The following USP46 variants were observed in gnomAD, a reference collection of about 807,000 sequenced individuals.
USP46 encodes the protein ubiquitin carboxyl-terminal hydrolase 46.
USP46 carries 12 observed loss-of-function variants against 44.4 expected under a neutral mutation model. That is an observed-to-expected ratio of 0.27 (90% CI 0.17 to 0.44). The LOEUF (loss-of-function observed/expected upper bound fraction) is 0.44. USP46 is among the 20% of genes least tolerant of loss of function. USP46 has a pLI of 1.00. For missense variants in USP46, 248 were observed against 444.8 expected, an observed-to-expected ratio of 0.56 and a Z score of 3.98; for synonymous variants, 155 against 161.5, an observed-to-expected ratio of 0.96 and a Z score of 0.31.
intron 7 of USP46, among the ~76,000 whole-genome samples, chr4:52,601,238 T>C (rs888695919): frequency 6.6e-5 from 10 of 152,190 alleles, no homozygotes; most frequent in African/African-American, 2.4e-4. Flanking sequence ...AGGTGAATTT[T>C]CAAGATACTT....
At chr4:52,658,527 CTG>C (rs1279448866) in intron 1 of USP46, among the ~76,000 whole-genome samples, 2 of 152,206 alleles carry the variant, frequency 1.3e-5, no homozygotes, top group African/African-American at 4.8e-5. Context: ...GATGGGGAAA[CTG>C]AGGCATGCGG....
intron 7 of USP46, among the ~76,000 whole-genome samples, chr4:52,599,616 G>GA (rs1055082144): frequency 6.6e-6 from 1 of 152,180 alleles, no homozygotes; most frequent in African/African-American, 2.4e-5. Flanking sequence ...ATGCTATATG[G>GA]AAAAAAGCAG....
At chr4:52,616,325 C>A (rs1349404735) in intron 4 of USP46, among the ~76,000 whole-genome samples, 4 of 151,970 alleles carry the variant, frequency 2.6e-5, no homozygotes, top group African/African-American at 9.7e-5. Flanking sequence ...AGAGATCTTT[C>A]CTTTCCTTTC....
chr4:52,659,086 C>G lies in USP46; in HGVS notation c.36+29G>C. On this transcript the variant is annotated intron_variant, in intron 1 of 8. Transcript: ENST00000441222. The surrounding 1 kb of genome is among the most constrained non-coding windows in gnomAD (Gnocchi z 4.2). ...TTTCTTTGCCTCGCCGCGAGTCGGG[C>G]GCGACCCCGAGGCGGCTCGGCCACT... is the stretch of plus-strand genomic sequence containing the variant. 1 of 1,549,770 alleles carries G rather than the reference C, an allele frequency of 6.5e-7. No individual in the cohort carries two copies. Among genetic ancestry groups the G allele is most frequent in the South Asian group, 1.2e-5 (1 of 83,658 alleles).
chr4:52,621,630 TG>T (rs1320446420), intron 4 of USP46, among the ~76,000 whole-genome samples: 1 of 151,878 alleles, frequency 6.6e-6, no homozygotes, highest in Non-Finnish European at 1.5e-5. Flanking sequence ...CACTCCAGCC[TG>T]GGTAACAGAG....
chr4:52,644,413 C>G (rs1718459123), intron 1 of USP46, among the ~76,000 whole-genome samples: 1 of 152,132 alleles, frequency 6.6e-6, no homozygotes, highest in African/African-American at 2.4e-5. Flanking sequence ...GTCAGAAGTC[C>G]CCAACCCCCA....
rs1256686011 is a variant in USP46 at position 52,659,045 on chromosome 4, G to A, written c.36+70C>T. ...GCCGCCCCAGCCACCGGGCGTGTGT[G>A]CAGCTCGGGCTTCCCTTTCTTTGCC... On this transcript the variant is annotated intron_variant, in intron 1 of 8. Coordinates refer to ENST00000441222, the MANE Select transcript of USP46 (RefSeq NM_022832.4). This position sits in a 1 kb window ranked among gnomAD's most constrained non-coding sequence, Gnocchi z 4.2. 7 of 1,501,014 alleles carry A rather than the reference G, an allele frequency of 4.7e-6. 1 individual carries two copies. The African/African-American group carries it at 8.7e-5, about 19-fold the overall frequency. 93.0% of individuals were successfully genotyped at this position (1,501,014 alleles called of 1,614,324 possible).
chr4:52,643,974 G>C (rs772346335), intron 1 of USP46, among the ~76,000 whole-genome samples: 69 of 152,286 alleles, frequency 4.5e-4, no homozygotes, highest in Non-Finnish European at 8.5e-4. Flanking sequence ...CAGCCAGCCA[G>C]GAACTGTCTC....
At position 52,628,013 on chromosome 4, in the gene USP46, G is replaced by A. The variant is rs745471821; in HGVS notation, c.268C>T (p.Gln90Ter). 6.2e-7 allele frequency: 1 copy of A among 1,613,880 alleles called. No individual in the cohort carries two copies. Among genetic ancestry groups the A allele is most frequent in the Non-Finnish European group, 8.5e-7 (1 of 1,179,862 alleles). ...GGGATGACGCCAACCTTCTTCTTCT[G>A]TGTGGCAATGCTGTGGAAAAGGTCC... ...LADLFHSIATQKKKVGVIPPK... is the reference protein window; with the variant it reads ...LADLFHSIAT The change falls in exon 3 of 9, where the codon CAG becomes TAG. Residue 90 changes from glutamine (Q) to a stop codon, truncating the protein, a stop_gained. Coordinates refer to ENST00000441222, the MANE Select transcript of USP46 (RefSeq NM_022832.4). LOFTEE classifies it high-confidence loss of function.
In USP46 at chr4:52,631,250, AC is replaced by A. The variant is rs1560404942; in HGVS notation, c.37-107del. 19 of 827,700 alleles carry A rather than the reference AC, an allele frequency of 2.3e-5. 2 individuals carry two copies. In the South Asian group the frequency reaches 3.4e-4, roughly 15 times the overall value. The allele number at this position is 827,700 out of a possible 1,614,324, so 51.3% of individuals were successfully genotyped here. On this transcript the variant is annotated intron_variant, in intron 1 of 8. Transcript: ENST00000441222. The stretch of plus-strand genomic sequence containing the variant: ...GAGACAAGCATCTTCCCTGGTCAAC[AC>A]GGTATTTGTTGATGTTTGCACTGAA...
chr4:52,609,859 A>C (rs1473603721), intron 5 of USP46, among the ~76,000 whole-genome samples: 3 of 144,594 alleles, frequency 2.1e-5, no homozygotes, highest in African/African-American at 7.7e-5. Flanking sequence ...TTCTCCAGGA[A>C]AAAAAAAAAT....
At chr4:52,629,176 G>A (rs555072910) in intron 2 of USP46, among the ~76,000 whole-genome samples, 11 of 152,210 alleles carry the variant, frequency 7.2e-5, no homozygotes, top group Admixed American at 2.6e-4. Flanking sequence ...ACCCAAGAGC[G>A]AGACAGATGC....
At position 52,632,990 on chromosome 4, in the gene USP46, AAAAGAAAGAAAGAAAG is replaced by A. The variant is rs71195120; in HGVS notation, c.37-1862_37-1847del. Among the ~76,000 whole-genome samples, 158 of 66,320 alleles carry A rather than the reference AAAAGAAAGAAAGAAAG, an allele frequency of 2.4e-3. 4 individuals carry two copies. The highest frequency in any genetic ancestry group is 7.2e-3 in the East Asian group (17 of 2,368). The allele number at this position is 66,320 out of a possible 152,430, so 43.5% of individuals were successfully genotyped here. A position where few individuals can be genotyped will look rare whatever the true frequency, so the allele number is the denominator to read the frequency against. ...AAAGAAAGAAAGAAAGAAAGAAAAG[AAAAGAAAGAAAGAAAG>A]AAAGAAAGAAAGAAAGAAAGAAAAA... On this transcript the variant is annotated intron_variant, in intron 1 of 8. Coordinates refer to ENST00000441222, the MANE Select transcript of USP46 (RefSeq NM_022832.4).
chr4:52,638,098 AG>A (rs1312174098), intron 1 of USP46, among the ~76,000 whole-genome samples: 2 of 152,204 alleles, frequency 1.3e-5, no homozygotes, highest in African/African-American at 4.8e-5. Context: ...ATGTGGCAAA[AG>A]GGACTTTGCA....
At chr4:52,614,828 G>C (rs1002782935) in intron 4 of USP46, among the ~76,000 whole-genome samples, 1 of 152,158 alleles carries the variant, frequency 6.6e-6, no homozygotes, top group Non-Finnish European at 1.5e-5. Context: ...CTACATAAAT[G>C]TAATATATAT....
chr4:52,604,475 T>C (rs1453426114), intron 6 of USP46, 26 bp downstream of exon 6: 1 of 1,594,600 alleles, frequency 6.3e-7, no homozygotes, highest in Non-Finnish European at 8.6e-7. Flanking sequence ...CACACAAAGA[T>C]AACCCTGAGC....
intron 2 of USP46, chr4:52,629,643 G>A (rs73815964): frequency 2.2e-6 from 1 of 456,138 alleles, no homozygotes; most frequent in East Asian, 7.0e-5. Context: ...CCTTTCCCCA[G>A]ACACCCTTCA....
chr4:52,630,960 T>C (rs1353679309), intron 2 of USP46, 104 bp downstream of exon 2: 34 of 938,800 alleles, frequency 3.6e-5, no homozygotes, highest in Non-Finnish European at 5.0e-5. Flanking sequence ...CTACGGAGCA[T>C]GACCAATCAT....
intron 5 of USP46, among the ~76,000 whole-genome samples, chr4:52,605,728 C>G (rs758315975): frequency 3.3e-5 from 5 of 152,196 alleles, no homozygotes; most frequent in African/African-American, 4.8e-5. Flanking sequence ...ATCAGTGCAG[C>G]TTCAACAGAA....
Sources: gnomAD v4.1 joint callset for allele counts (sites outside exome capture counted in the v4.1 genomes callset) on GRCh38, gnomAD v4.1.1 for gene constraint, Gnocchi (gnomAD v3.1) non-coding constraint, MANE v1.5 for transcripts, NCBI Gene and HGNC (gene_info 2026-07-23, HGNC 2026-07-21) for gene names.